COL24A1: variants seen among roughly 807,000 people sequenced by gnomAD.
The protein encoded by COL24A1 is collagen alpha-1(XXIV) chain.
A neutral mutation model predicts 253.9 loss-of-function variants in COL24A1; 224 were observed. The observed-to-expected ratio is 0.88, with a 90% CI of 0.79 to 0.99. The LOEUF is 0.99. Ranked by LOEUF, COL24A1 falls within the 50% of genes least tolerant of loss-of-function variation. The probability of loss-of-function intolerance (pLI) is 0.00; values close to 1 mark genes in which losing one functional copy is unlikely to be tolerated. For missense variants in COL24A1, 2,131 were observed against 2,068.5 expected (o/e 1.03, Z -0.59); for synonymous variants, 685 against 673.7 (o/e 1.02, Z -0.26).
intron 20 of COL24A1, among the ~76,000 whole-genome samples, chr1:85,976,749 A>T (rs1692722637): frequency 1.3e-5 from 2 of 152,178 alleles, no homozygotes; most frequent in African/African-American, 4.8e-5. Context: ...AACTCATGAC[A>T]AAATAACCTG....
intron 43 of COL24A1, among the ~76,000 whole-genome samples, chr1:85,838,298 G>A (rs2102216687): frequency 6.6e-6 from 1 of 152,240 alleles, no homozygotes. Flanking sequence ...AGGAAATCGA[G>A]TAATATGGTC....
At chr1:85,871,609 C>G (rs901820429) in intron 35 of COL24A1, among the ~76,000 whole-genome samples, 1 of 152,162 alleles carries the variant, frequency 6.6e-6, no homozygotes, top group African/African-American at 2.4e-5. Flanking sequence ...ATGATTATAT[C>G]AACAGATGCA....
intron 7 of COL24A1, among the ~76,000 whole-genome samples, chr1:86,077,716 T>G (rs946688057): frequency 9.9e-5 from 15 of 152,152 alleles, no homozygotes; most frequent in African/African-American, 3.6e-4. Flanking sequence ...GAAACCATCA[T>G]TCTTAGCAAA....
chr1:85,804,038 T>C (rs1350604221), intron 47 of COL24A1, among the ~76,000 whole-genome samples: 1 of 152,126 alleles, frequency 6.6e-6, no homozygotes, highest in East Asian at 1.9e-4. Context: ...GAAATAATAA[T>C]AGAAAAAATT....
At chr1:85,994,316 C>A (rs1694564452) in intron 19 of COL24A1, among the ~76,000 whole-genome samples, 2 of 149,616 alleles carry the variant, frequency 1.3e-5, no homozygotes, top group Non-Finnish European at 3.0e-5. Context: ...AGTTTATATT[C>A]AATAAACATT....
chr1:85,974,108 A>C (rs969899800), intron 20 of COL24A1, among the ~76,000 whole-genome samples: 4 of 152,192 alleles, frequency 2.6e-5, no homozygotes, highest in African/African-American at 9.6e-5. Flanking sequence ...ATGAATATGT[A>C]AATAGAGTTG....
chr1:85,949,142 C>A (rs1208804107), intron 24 of COL24A1, among the ~76,000 whole-genome samples: 7 of 151,938 alleles, frequency 4.6e-5, no homozygotes, highest in Non-Finnish European at 1.5e-5. Context: ...TATTTTGTTT[C>A]CAAAATCATA....
At chr1:85,893,931 C>A (rs1041332075) in intron 31 of COL24A1, among the ~76,000 whole-genome samples, 51 of 152,178 alleles carry the variant, frequency 3.4e-4, no homozygotes, top group African/African-American at 1.2e-3. Flanking sequence ...GCATGAGCCA[C>A]CATGCCCAGG....
In COL24A1 at chr1:85,842,394, C is replaced by G. The variant is rs1319377318; in HGVS notation, c.3463-1G>C. On this transcript the variant is annotated splice_acceptor_variant, in intron 39 of 59. Coordinates refer to ENST00000370571, the MANE Select transcript of COL24A1 (RefSeq NM_152890.7). LOFTEE classifies it high-confidence loss of function. Reference sequence around the variant, plus strand: ...CAGGTCCCATCAATCCTAAATGTCCCTGAAAAACAAAGTAAATATTAGTGA... The same window carrying G: ...CAGGTCCCATCAATCCTAAATGTCCGTGAAAAACAAAGTAAATATTAGTGA... 6.3e-7 allele frequency: 1 copy of G among 1,593,008 alleles called. No individual in the cohort carries two copies. Among genetic ancestry groups the G allele is most frequent in the Non-Finnish European group, 8.6e-7 (1 of 1,165,836 alleles).
rs1653611582 is a variant in COL24A1, at chr1:86,156,340, C to T, written c.56+1G>A. On this transcript the variant is annotated splice_donor_variant, in intron 1 of 59. Coordinates refer to ENST00000370571, the MANE Select transcript of COL24A1 (RefSeq NM_152890.7). LOFTEE classifies it high-confidence loss of function. ...CCCTACCCGGCGGGTGGGCTACTTA[C>T]GTTTTTGCCGTGGGGGAGACTTTTC... 1 of 1,612,536 alleles carries T rather than the reference C, an allele frequency of 6.2e-7. No homozygotes were observed. The highest frequency in any genetic ancestry group is 1.3e-5 in the African/African-American group (1 of 74,834).
intron 2 of COL24A1, among the ~76,000 whole-genome samples, chr1:86,129,118 A>T (rs570669534): frequency 2.6e-5 from 4 of 151,782 alleles, no homozygotes; most frequent in Non-Finnish European, 4.4e-5. Context: ...AATCTCTTCT[A>T]TGTTAATTGA....
chr1:85,814,896 G>C (rs1394165171), intron 47 of COL24A1, among the ~76,000 whole-genome samples: 1 of 152,046 alleles, frequency 6.6e-6, no homozygotes, highest in Non-Finnish European at 1.5e-5. Flanking sequence ...TATCCACATA[G>C]GGAACTAATA....
chr1:85,872,066 C>G (rs1680572907), intron 35 of COL24A1, among the ~76,000 whole-genome samples: 2 of 151,144 alleles, frequency 1.3e-5, no homozygotes, highest in South Asian at 4.2e-4. Flanking sequence ...AGACAAACAG[C>G]CAAATCATGA....
intron 14 of COL24A1, among the ~76,000 whole-genome samples, chr1:86,025,976 G>A (rs891914336): frequency 6.6e-6 from 1 of 151,994 alleles, no homozygotes; most frequent in East Asian, 1.9e-4. Context: ...CCTTTTCAGT[G>A]GTTTTACATT....
intron 26 of COL24A1, among the ~76,000 whole-genome samples, chr1:85,909,010 T>C (rs76740750): frequency 6.6e-6 from 1 of 151,788 alleles, no homozygotes; most frequent in East Asian, 1.9e-4. Context: ...TTGTGTTATA[T>C]AGGTTATGAA....
rs537979357 is a variant in COL24A1, at chr1:86,027,825, C to G, written c.2049+4053G>C. Reference sequence around the variant, plus strand: ...GCTTGCACCATTCACCTGGAAAAGCCACAGGCACTCAATGCCAGACCATGA... The same window carrying G: ...GCTTGCACCATTCACCTGGAAAAGCGACAGGCACTCAATGCCAGACCATGA... On this transcript the variant is annotated intron_variant, in intron 14 of 59. Transcript: ENST00000370571. Among the ~76,000 whole-genome samples the G allele has an allele frequency of 3.3e-5, 5 of 152,298 alleles. No individual in the cohort carries two copies. In the East Asian group the frequency reaches 7.7e-4, roughly 24 times the overall value.
At chr1:85,889,369 C>A (rs1300305675) in intron 32 of COL24A1, among the ~76,000 whole-genome samples, 191 bp downstream of exon 32, 2 of 151,976 alleles carry the variant, frequency 1.3e-5, no homozygotes, top group Non-Finnish European at 2.9e-5. Context: ...AAAAACAGCA[C>A]CATATTTGAC....
intron 31 of COL24A1, among the ~76,000 whole-genome samples, chr1:85,894,338 G>A (rs1683437967): frequency 6.6e-6 from 1 of 152,084 alleles, no homozygotes; most frequent in Non-Finnish European, 1.5e-5. Flanking sequence ...TACAAACCAG[G>A]GTAAGGTTAC....
At chr1:86,074,902 T>C (rs1702137454) in intron 7 of COL24A1, among the ~76,000 whole-genome samples, 1 of 152,278 alleles carries the variant, frequency 6.6e-6, no homozygotes, top group East Asian at 1.9e-4. Flanking sequence ...AGTTAAGCAG[T>C]GTTTAGAGGG....
Sources: allele counts gnomAD v4.1 joint callset (sites outside exome capture counted in the v4.1 genomes callset), GRCh38; gene constraint gnomAD v4.1.1; transcripts MANE v1.5; gene names NCBI Gene and HGNC (gene_info 2026-07-23, HGNC 2026-07-21).